ERH: variants seen among roughly 807,000 people sequenced by gnomAD.
ERH encodes the protein ERH mRNA splicing and mitosis factor, also known as enhancer of rudimentary homolog.
ERH carries 1 observed loss-of-function variant against 16.8 expected under a neutral mutation model. The observed-to-expected ratio is 0.06, with a 90% CI of 0.02 to 0.28. The LOEUF is 0.28. Ranked by LOEUF, ERH falls within the 10% of genes least tolerant of loss-of-function variation. The probability of loss-of-function intolerance (pLI) is 1.00; values close to 1 mark genes in which losing one functional copy is unlikely to be tolerated. For missense variants in ERH, 42 were observed against 127.5 expected, an observed-to-expected ratio of 0.33 and a Z score of 3.23; for synonymous variants, 43 against 43.6, an observed-to-expected ratio of 0.99 and a Z score of 0.05.
At chr14:69,389,270 AC>A (rs2140231960) in intron 2 of ERH, among the ~76,000 whole-genome samples, 2 of 152,068 alleles carry the variant, frequency 1.3e-5, no homozygotes, top group East Asian at 3.9e-4. Flanking sequence ...CAGGTGATCC[AC>A]CCGCGTCGGC....
chr14:69,389,907 C>T lies in ERH; in HGVS notation c.92-2824G>A, dbSNP rs144591199. Among the ~76,000 whole-genome samples, 274 of 151,992 alleles carry T rather than the reference C, an allele frequency of 1.8e-3. 2 individuals are homozygous for T. The highest frequency in any genetic ancestry group is 6.1e-3 in the African/African-American group (254 of 41,470). ...CCAAGGATCTGTGACTACAGGTACG[C>T]GCCACCATGCCCAGCTAATTTTTGT... On this transcript the variant is annotated intron_variant, in intron 2 of 3. Coordinates refer to ENST00000557016, the MANE Select transcript of ERH (RefSeq NM_004450.3).
intron 1 of ERH, 39 bp downstream of exon 1, chr14:69,398,191 CG>C: frequency 6.2e-7 from 1 of 1,613,610 alleles, no homozygotes; most frequent in Non-Finnish European, 8.5e-7. Flanking sequence ...CTCTGGAGGC[CG>C]GGGACTCGGA....
At position 69,388,057 on chromosome 14, in the gene ERH, A is replaced by G. The variant is rs1287863262; in HGVS notation, c.92-974T>C. 2.6e-5 allele frequency among the ~76,000 whole-genome samples: 4 copies of G among 152,228 alleles called. No homozygotes were observed. The East Asian group carries it at 5.8e-4, about 22-fold the overall frequency. The stretch of plus-strand genomic sequence containing the variant: ...AAGACTCTGTCTCAAACAAACAAAC[A>G]AACAAAAAATCCTAGACTATGGATT... On this transcript the variant is annotated intron_variant, in intron 2 of 3. Transcript: ENST00000557016.
At chr14:69,391,186 T>C (rs904832286) in intron 2 of ERH, among the ~76,000 whole-genome samples, 5 of 152,230 alleles carry the variant, frequency 3.3e-5, no homozygotes, top group East Asian at 3.8e-4. Context: ...GAAATGTTTA[T>C]AGCAGCTTTA....
chr14:69,392,988 A>G (rs1225641516), intron 2 of ERH, among the ~76,000 whole-genome samples: 2 of 152,230 alleles, frequency 1.3e-5, no homozygotes, highest in Non-Finnish European at 2.9e-5. Flanking sequence ...ATCTGTAAAG[A>G]GATGAAGAAA....
chr14:69,393,027 G>C (rs931349555), intron 2 of ERH, among the ~76,000 whole-genome samples: 2 of 152,180 alleles, frequency 1.3e-5, no homozygotes, highest in African/African-American at 4.8e-5. Flanking sequence ...TTAAGAATTA[G>C]AGTAGATGGC....
intron 1 of ERH, 47 bp downstream of exon 1, chr14:69,398,184 T>C (rs1566902756): frequency 6.2e-7 from 1 of 1,613,112 alleles, no homozygotes; most frequent in Non-Finnish European, 8.5e-7. Flanking sequence ...GGGGTCGCTC[T>C]GGAGGCCGGG....
At chr14:69,383,434 A>C (rs948980874) in intron 3 of ERH, among the ~76,000 whole-genome samples, 3 of 152,270 alleles carry the variant, frequency 2.0e-5, no homozygotes, top group African/African-American at 7.2e-5. Flanking sequence ...TGGTCTGAGG[A>C]GTAACGGCCC....
chr14:69,388,428 T>C (rs754694215), intron 2 of ERH, among the ~76,000 whole-genome samples: 14 of 152,158 alleles, frequency 9.2e-5, no homozygotes, highest in African/African-American at 2.9e-4. Context: ...TGATGAGATC[T>C]TGGCTCACTG....
intron 3 of ERH, among the ~76,000 whole-genome samples, chr14:69,381,943 G>A (rs576229106): frequency 5.9e-5 from 9 of 152,290 alleles, no homozygotes; most frequent in Middle Eastern, 3.4e-3. Context: ...CAGCCGCCTC[G>A]GCCGCCCAAA....
chr14:69,397,903 G>C, intron 1 of ERH: 1 of 504,084 alleles, frequency 2.0e-6, no homozygotes, highest in Non-Finnish European at 3.6e-6. Flanking sequence ...GGGCGATAGA[G>C]TGAGACTCTC....
At chr14:69,393,297 C>A (rs896445866) in intron 2 of ERH, among the ~76,000 whole-genome samples, 12 of 152,168 alleles carry the variant, frequency 7.9e-5, no homozygotes, top group African/African-American at 2.7e-4. Context: ...GCCTGGGCGA[C>A]AGAGTGAGAC....
chr14:69,391,534 G>C (rs1882210771), intron 2 of ERH, among the ~76,000 whole-genome samples: 1 of 151,634 alleles, frequency 6.6e-6, no homozygotes, highest in South Asian at 2.1e-4. Context: ...TGTAATCCCA[G>C]CTACTTGGGT....
intron 1 of ERH, among the ~76,000 whole-genome samples, chr14:69,395,582 G>A (rs906058866): frequency 3.3e-5 from 5 of 152,194 alleles, no homozygotes; most frequent in African/African-American, 9.6e-5. Context: ...CAGATGGGCT[G>A]ATGAAAGGAA....
chr14:69,391,551 G>A (rs1399304687), intron 2 of ERH, among the ~76,000 whole-genome samples: 4 of 150,594 alleles, frequency 2.7e-5, no homozygotes, highest in Admixed American at 6.7e-5. Flanking sequence ...GGGTGGCTGA[G>A]GCAGGAGAAT....
intron 2 of ERH, among the ~76,000 whole-genome samples, chr14:69,393,856 T>TA (rs1206448022): frequency 6.6e-6 from 1 of 151,828 alleles, no homozygotes; most frequent in African/African-American, 2.4e-5. Flanking sequence ...CCCATCTCTA[T>TA]AAAAAAACCA....
In ERH at chr14:69,394,661, T is replaced by A. The variant is rs115176248; in HGVS notation, c.91+164A>T. Among the ~76,000 whole-genome samples, 475 of 152,246 alleles carry A rather than the reference T, an allele frequency of 3.1e-3. 4 individuals are homozygous for A. Among genetic ancestry groups the A allele is most frequent in the African/African-American group, 0.011 (462 of 41,544 alleles). On this transcript the variant is annotated intron_variant, in intron 2 of 3. Transcript: ENST00000557016. The stretch of plus-strand genomic sequence containing the variant: ...CAATAATTATGGTCCATCCTAAATA[T>A]CTGCTTTCCCTCCTAAAATTAGCAA...
chr14:69,383,674 T>C (rs530794151), intron 3 of ERH, among the ~76,000 whole-genome samples: 4 of 152,232 alleles, frequency 2.6e-5, no homozygotes, highest in East Asian at 1.9e-4. Context: ...TTTAACACTC[T>C]GAAACTACTA....
intron 3 of ERH, among the ~76,000 whole-genome samples, chr14:69,383,917 G>A (rs1342614078): frequency 6.6e-6 from 1 of 152,168 alleles, no homozygotes; most frequent in Non-Finnish European, 1.5e-5. Context: ...GGAGGCTGAG[G>A]AAGGAGGATC....
Sources: allele counts gnomAD v4.1 joint callset (sites outside exome capture counted in the v4.1 genomes callset), GRCh38; gene constraint gnomAD v4.1.1; transcripts MANE v1.5; gene names NCBI Gene and HGNC (gene_info 2026-07-23, HGNC 2026-07-21).